The following CDC25A variants were observed in gnomAD, a reference collection of about 807,000 sequenced individuals.
CDC25A encodes cell division cycle 25A, also known as M-phase inducer phosphatase 1.
A neutral mutation model predicts 64.6 loss-of-function variants in CDC25A; 17 were observed. The ratio of observed to expected loss-of-function variants is 0.26; its 90% CI spans 0.18 to 0.39. The LOEUF (loss-of-function observed/expected upper bound fraction) is 0.39. Ranked by LOEUF, CDC25A falls within the 10% of genes least tolerant of loss-of-function variation. CDC25A has a pLI of 1.00. For synonymous variants in CDC25A, 229 were observed against 238.6 expected (o/e 0.96, Z 0.37); for missense variants, 473 against 654.8 (o/e 0.72, Z 3.03).
intron 9 of CDC25A, among the ~76,000 whole-genome samples, chr3:48,168,360 C>CCCCACACACACA (rs746582615): frequency 5.2e-4 from 55 of 106,606 alleles, no homozygotes; most frequent in African/African-American, 3.4e-4. Context: ...AAGACCCTGT[C>CCCCACACACACA]CACACACACA....
intron 2 of CDC25A, among the ~76,000 whole-genome samples, chr3:48,186,424 C>T (rs1053984705): frequency 1.4e-4 from 21 of 152,054 alleles, no homozygotes; most frequent in Admixed American, 1.2e-3. Flanking sequence ...ACAAAATTAG[C>T]CGGGTGTGGT....
chr3:48,170,849 A>C (rs1484954296), intron 9 of CDC25A, among the ~76,000 whole-genome samples: 3 of 152,202 alleles, frequency 2.0e-5, no homozygotes, highest in African/African-American at 7.2e-5. Flanking sequence ...AAGGGGAAGA[A>C]GACTAAATAT....
At chr3:48,164,173 T>G (rs1036059115) in intron 13 of CDC25A, 134 bp downstream of exon 13, 4 of 753,950 alleles carry the variant, frequency 5.3e-6, no homozygotes, top group Non-Finnish European at 8.2e-6. Context: ...AAATTACATA[T>G]GAAAATGGCT....
rs1278313968 is a variant in CDC25A, at chr3:48,188,361, AC to A, written c.-415del. 1 of 163,220 alleles carries A rather than the reference AC, an allele frequency of 6.1e-6. No homozygotes were observed. The highest frequency in any genetic ancestry group is 1.8e-4 in the East Asian group (1 of 5,704). The allele number at this position is 163,220 out of a possible 1,614,324, so 10.1% of individuals were successfully genotyped here. A position where few individuals can be genotyped will look rare whatever the true frequency, so the allele number is the denominator to read the frequency against. Reference sequence around the variant, plus strand: ...GTAGCAGAAAACCAAGCCGACCTACACCTCTTACCCAGGCTGTCGCAGCCAG... The same window carrying A: ...GTAGCAGAAAACCAAGCCGACCTACACTCTTACCCAGGCTGTCGCAGCCAG... On this transcript the variant is annotated 5_prime_UTR_variant, in exon 1 of 15. Transcript: ENST00000302506.
intron 9 of CDC25A, among the ~76,000 whole-genome samples, chr3:48,168,791 T>A (rs2032156682): frequency 6.6e-6 from 1 of 151,844 alleles, no homozygotes; most frequent in Non-Finnish European, 1.5e-5. Flanking sequence ...CAGCTGAGAC[T>A]ATAGGTGTGC....
intron 13 of CDC25A, chr3:48,161,540 C>A (rs1021090046): frequency 2.6e-5 from 4 of 152,062 alleles, no homozygotes; most frequent in African/African-American, 9.6e-5. Context: ...GAGACCCTGT[C>A]TCTATAAAAA....
intron 9 of CDC25A, 75 bp downstream of exon 9, chr3:48,174,209 A>G (rs2032371200): frequency 1.5e-6 from 2 of 1,320,824 alleles, no homozygotes; most frequent in African/African-American, 3.0e-5. Context: ...AAATAAATGA[A>G]CCACTAAGTA....
rs2032905114 is a variant in CDC25A at position 48,187,869 on chromosome 3, C to A, written c.79G>T (p.Val27Leu). The A allele has an allele frequency of 6.5e-7, 1 of 1,547,166 alleles. No individual in the cohort carries two copies. The highest frequency in any genetic ancestry group is 8.7e-7 in the Non-Finnish European group (1 of 1,145,734). The change falls in exon 1 of 15, where the codon GTG becomes TTG. Residue 27 changes from valine to leucine, a missense_variant. Physicochemically the swap from Val to Leu is conservative, Grantham distance 32. Transcript: ENST00000302506. ...CSPPPASQPVVKALFGASAAG... is the reference protein window; with the variant it reads ...CSPPPASQPVLKALFGASAAG... ...GCTGAAGCGCCAAATAGCGCCTTCACGACGGGCTGCGACGCGGGAGGGGGG... is the reference window on the plus strand; with the variant it reads ...GCTGAAGCGCCAAATAGCGCCTTCAAGACGGGCTGCGACGCGGGAGGGGGG...
chr3:48,188,082 C>T lies in CDC25A; in HGVS notation c.-135G>A. The T allele has an allele frequency of 1.4e-6, 1 of 708,074 alleles. No individual in the cohort carries two copies. Among genetic ancestry groups the T allele is most frequent in the Non-Finnish European group, 1.9e-6 (1 of 515,466 alleles). The allele number at this position is 708,074 out of a possible 1,614,324, so 43.9% of individuals were successfully genotyped here. On this transcript the variant is annotated 5_prime_UTR_variant, in exon 1 of 15. Transcript: ENST00000302506. ...CAAACACAAACACGACTCCGCGGTT[C>T]AGGGACGCGGCTGCCGCGGGCAAGC...
Position 48,188,044 on chromosome 3 carries a change from G to C in CDC25A, c.-97C>G. ...ACACCGGCCTCGGCCGCGCGCCACC[G>C]GCGCCCGCGGGTCAAACACAAACAC... On this transcript the variant is annotated 5_prime_UTR_variant, in exon 1 of 15. Transcript: ENST00000302506. 1 of 1,038,414 alleles carries C rather than the reference G, an allele frequency of 9.6e-7. No individual in the cohort carries two copies. Among genetic ancestry groups the C allele is most frequent in the Non-Finnish European group, 1.2e-6 (1 of 806,710 alleles). 64.3% of individuals were successfully genotyped at this position (1,038,414 alleles called of 1,614,324 possible).
At chr3:48,175,798 T>C (rs2032433673) in intron 8 of CDC25A, among the ~76,000 whole-genome samples, 1 of 152,238 alleles carries the variant, frequency 6.6e-6, no homozygotes, top group Non-Finnish European at 1.5e-5. Flanking sequence ...AATTTACTCA[T>C]AACATTTGTA....
At chr3:48,168,468 A>T (rs1200501898) in intron 9 of CDC25A, among the ~76,000 whole-genome samples, 1 of 149,872 alleles carries the variant, frequency 6.7e-6, no homozygotes, top group Admixed American at 6.7e-5. Context: ...AAGTGGGAGG[A>T]TCACCTGAGC....
intron 9 of CDC25A, among the ~76,000 whole-genome samples, chr3:48,168,942 G>A (rs1197436650): frequency 2.0e-5 from 3 of 152,030 alleles, no homozygotes; most frequent in Admixed American, 6.6e-5. Context: ...GTGAGCCACC[G>A]CGCCCGGCCT....
intron 7 of CDC25A, among the ~76,000 whole-genome samples, 194 bp downstream of exon 7, chr3:48,177,660 C>T (rs1195899030): frequency 6.6e-6 from 1 of 152,018 alleles, no homozygotes; most frequent in African/African-American, 2.4e-5. Flanking sequence ...CTTTTGATGC[C>T]CCCATCCCCC....
Position 48,179,684 on chromosome 3 carries a change from G to C in CDC25A, c.549+1037C>G, listed in dbSNP as rs940161404. On this transcript the variant is annotated intron_variant, in intron 6 of 14. Coordinates refer to ENST00000302506, the MANE Select transcript of CDC25A (RefSeq NM_001789.3). ...ACCCAGCCAGAGATCATTAAATCCT[G>C]GTTTCCTACTTATGTATATCCTTTG... 4.6e-5 allele frequency among the ~76,000 whole-genome samples: 7 copies of C among 152,160 alleles called. No individual in the cohort carries two copies. The East Asian group carries it at 1.2e-3, about 25-fold the overall frequency.
intron 2 of CDC25A, among the ~76,000 whole-genome samples, chr3:48,185,785 C>T (rs2032824430): frequency 6.6e-6 from 1 of 152,196 alleles, no homozygotes; most frequent in African/African-American, 2.4e-5. Context: ...GACGCAGACC[C>T]ACCCACCCAT....
At chr3:48,184,784 CT>C in intron 2 of CDC25A, 89 bp from the exon 3 acceptor site, 1 of 927,352 alleles carries the variant, frequency 1.1e-6, no homozygotes, top group Non-Finnish European at 1.6e-6. Context: ...GTACCTGGGT[CT>C]TTATTTAAGT....
intron 5 of CDC25A, chr3:48,181,436 T>G (rs2032663619): frequency 4.7e-6 from 3 of 635,746 alleles, no homozygotes; most frequent in African/African-American, 3.7e-5. Context: ...AATATTCACT[T>G]AAGAACTCAT....
intron 3 of CDC25A, among the ~76,000 whole-genome samples, chr3:48,184,047 C>T (rs1039240959): frequency 6.6e-6 from 1 of 152,054 alleles, no homozygotes; most frequent in East Asian, 1.9e-4. Context: ...AAACCCATGT[C>T]TTTTCTTAAA....
Sources: gnomAD v4.1 joint callset for allele counts (sites outside exome capture counted in the v4.1 genomes callset) on GRCh38, gnomAD v4.1.1 for gene constraint, MANE v1.5 for transcripts, NCBI Gene and HGNC (gene_info 2026-07-23, HGNC 2026-07-21) for gene names.